The following WDR90 variants were observed in gnomAD, a reference collection of about 807,000 sequenced individuals.
WDR90 encodes WD repeat domain 90.
In WDR90, 238 loss-of-function variants were observed where a neutral mutation model predicts 195.2. The observed-to-expected ratio is 1.22, with a 90% CI of 1.10 to 1.36. The LOEUF is 1.36. Among genes scored for constraint, WDR90 ranks in the 40% most tolerant of loss-of-function variants. WDR90 has a pLI of 0.00. For synonymous variants in WDR90, 1,265 were observed against 1,052.4 expected (o/e 1.20, Z -3.91); for missense variants, 2,734 against 2,439.5 (o/e 1.12, Z -2.54).
rs758918142 is a variant in WDR90 at position 649,904 on chromosome 16, G to A, written c.102+50G>A. 9 of 1,587,944 alleles carry A rather than the reference G, an allele frequency of 5.7e-6. 1 individual carries two copies. The highest frequency in any genetic ancestry group is 4.6e-5 in the East Asian group (2 of 43,620). ...AGCCCACACCCCTGCCCTGCCCCCA[G>A]GAGAGCTGCCCCGCCCCCGAGGGCC... On this transcript the variant is annotated intron_variant, in intron 2 of 40. Coordinates refer to ENST00000293879, the MANE Select transcript of WDR90 (RefSeq NM_145294.5).
chr16:653,309 C>A (rs937860212), intron 10 of WDR90, 32 bp from the exon 11 acceptor site: 3 of 1,468,750 alleles, frequency 2.0e-6, no homozygotes, highest in African/African-American at 2.9e-5. Flanking sequence ...TGGCGTAGCA[C>A]CGGTCCTCAG....
At chr16:649,926 G>GGCCCCCTCGCCC in intron 2 of WDR90, 65 bp from the exon 3 acceptor site, 17 of 1,603,314 alleles carry the variant, frequency 1.1e-5, no homozygotes, top group Non-Finnish European at 1.4e-5. Flanking sequence ...CGCCCCCGAG[G>GGCCCCCTCGCCC]GCCCCCTCGC....
chr16:664,036 G>A (rs920277951), intron 34 of WDR90, among the ~76,000 whole-genome samples: 1 of 152,198 alleles, frequency 6.6e-6, no homozygotes. Context: ...TGGAGATGAC[G>A]ATAGCCAGCA....
chr16:657,594 C>T (rs1459245056), intron 20 of WDR90, among the ~76,000 whole-genome samples, 168 bp from the exon 21 acceptor site: 6 of 152,194 alleles, frequency 3.9e-5, no homozygotes, highest in South Asian at 2.1e-4. Context: ...CCCCTGGCAG[C>T]GCCTGGCGCC....
Position 665,968 on chromosome 16 carries a change from T to G in WDR90, c.4453T>G (p.Trp1485Gly). 1 of 1,592,914 alleles carries G rather than the reference T, an allele frequency of 6.3e-7. No individual in the cohort carries two copies. Among genetic ancestry groups the G allele is most frequent in the Non-Finnish European group, 8.5e-7 (1 of 1,171,972 alleles). The change falls in exon 36 of 41, where the codon TGG becomes GGG. Residue 1485 changes from tryptophan (W) to glycine (G), a missense_variant. Trp to Gly is a radical substitution (Grantham distance 184). Transcript: ENST00000293879. ...TCCCCAGAGCTGCCTCTGCCTGGCA[T>G]GGAGCCCCCCGTGCTGTGGCCGCCC... is the stretch of plus-strand genomic sequence containing the variant. Reference protein sequence around the residue: ...VLNQSCLCLAWSPPCCGRPEQ... With the variant: ...VLNQSCLCLAGSPPCCGRPEQ...
intron 32 of WDR90, 60 bp from the exon 33 acceptor site, chr16:662,147 CGTCCGGGCAGCCT>C (rs2037930417): frequency 6.5e-7 from 1 of 1,532,796 alleles, no homozygotes; most frequent in South Asian, 1.2e-5. Context: ...GTAGCCCTGG[CGTCCGGGCAGCCT>C]TGTGACCCAG....
In WDR90 at chr16:651,904, G is replaced by A. The variant is rs753022757; in HGVS notation, c.918G>A (p.Ala306=). Residue 306 remains alanine, a synonymous_variant, in exon 9 of 41, where the codon GCG becomes GCA. Coordinates refer to ENST00000293879, the MANE Select transcript of WDR90 (RefSeq NM_145294.5). ...AAGAGCGCTCAGACGCCTCCAACGC[G>A]GATGGCCCCGGTTTCCATAGCCTTG... The part of the protein sequence containing the change: ...LSQERSDASN[A]DGPGFHSLEP... 45 of 1,610,910 alleles carry A rather than the reference G, an allele frequency of 2.8e-5. No individual in the cohort carries two copies. The highest frequency in any genetic ancestry group is 6.7e-5 in the Admixed American group (4 of 59,890).
chr16:658,909 A>G lies in WDR90; in HGVS notation c.2909A>G (p.His970Arg). Residue 970 changes from histidine to arginine, a missense_variant, in exon 24 of 41, where the codon CAC (histidine) becomes CGC (arginine). His to Arg is a conservative substitution (Grantham distance 29, BLOSUM62 0). Coordinates refer to ENST00000293879, the MANE Select transcript of WDR90 (RefSeq NM_145294.5). ...CGCTACCCCTAGGTGTACATCGGCC[A>G]CTCGGAACCCGTGCAGGCTGTGGCC... ...ASPGPQVYIG[H>R]SEPVQAVAFS... 6.2e-7 allele frequency: 1 copy of G among 1,612,096 alleles called. No individual in the cohort carries two copies. The highest frequency in any genetic ancestry group is 1.1e-5 in the South Asian group (1 of 91,076).
Position 660,661 on chromosome 16 carries a change from T to C in WDR90, c.3338T>C (p.Val1113Ala), listed in dbSNP as rs2037876417. Residue 1113 changes from valine to alanine, a missense_variant, in exon 28 of 41, where the codon GTC becomes GCC. Val to Ala is a moderately conservative substitution (Grantham distance 64, BLOSUM62 0). Coordinates refer to ENST00000293879, the MANE Select transcript of WDR90 (RefSeq NM_145294.5). ...ASGGWLRLKAVVGYSGNGRAN... is the reference protein window; with the variant it reads ...ASGGWLRLKAAVGYSGNGRAN... The stretch of plus-strand genomic sequence containing the variant: ...GGTGGGTGGCTGCGTCTGAAGGCTG[T>C]CGTCGGTTACAGCGGGAATGGGCGG... 1.3e-6 allele frequency: 2 copies of C among 1,582,674 alleles called. No individual in the cohort carries two copies. Among genetic ancestry groups the C allele is most frequent in the African/African-American group, 2.7e-5 (2 of 74,084 alleles).
upstream of WDR90, chr16:649,357 C>G (rs1412171079): frequency 1.1e-5 from 14 of 1,321,582 alleles, no homozygotes; most frequent in Non-Finnish European, 1.4e-5. Context: ...CCTGGCGTCG[C>G]GGGGCGTACT....
chr16:650,500 C>A, intron 4 of WDR90, 39 bp from the exon 5 acceptor site: 1 of 1,588,322 alleles, frequency 6.3e-7, no homozygotes, highest in South Asian at 1.1e-5. Flanking sequence ...CGCGGGCTGT[C>A]AGGAGGGTGG....
At chr16:652,349 C>T (rs2037663848) in intron 9 of WDR90, 118 bp from the exon 10 acceptor site, 1 of 1,225,984 alleles carries the variant, frequency 8.2e-7, no homozygotes, top group Non-Finnish European at 1.1e-6. Context: ...CACCCAGGAC[C>T]AGGGCAGTCT....
At position 661,074 on chromosome 16, in the gene WDR90, C is replaced by T. The variant is rs748323112; in HGVS notation, c.3415C>T (p.Arg1139Cys). ...AGGCTTCTTTGCCTACACGTGCGGC[C>T]GCCTGGTGGTGGTGGAGGACCTGCA... ...DTGFFAYTCG[R>C]LVVVEDLHSG... is the part of the protein sequence containing the mutation. The change falls in exon 29 of 41, where the codon CGC becomes TGC. Residue 1139 changes from arginine to cysteine, a missense_variant. Physicochemically the swap from Arg to Cys is radical, Grantham distance 180 (BLOSUM62 -3). Coordinates refer to ENST00000293879, the MANE Select transcript of WDR90 (RefSeq NM_145294.5). The T allele has an allele frequency of 1.7e-5, 25 of 1,508,492 alleles. No homozygotes were observed. The highest frequency in any genetic ancestry group is 2.1e-5 in the Non-Finnish European group (24 of 1,142,610). 93.4% of individuals were successfully genotyped at this position (1,508,492 alleles called of 1,614,324 possible).
At chr16:661,235 C>T (rs1293115650) in intron 29 of WDR90, 63 bp downstream of exon 29, 102 of 1,517,642 alleles carry the variant, frequency 6.7e-5, no homozygotes, top group African/African-American at 1.1e-4. Context: ...ACCCAGCTCC[C>T]GGACCGGTGC....
Position 661,781 on chromosome 16 carries a change from C to T in WDR90, c.3858C>T (p.Ser1286=). 1 of 1,597,988 alleles carries T rather than the reference C, an allele frequency of 6.3e-7. No homozygotes were observed. Among genetic ancestry groups the T allele is most frequent in the East Asian group, 2.2e-5 (1 of 44,610 alleles). ...WLLQQRGADI[S]LQVRREPVPE... is the part of the protein sequence containing the mutation. ...TTCAGCAGCGTGGGGCAGACATCAG[C>T]CTTCAGGTGCCACCCGTTCAGCGTT... Residue 1286 remains serine, a synonymous_variant, in exon 31 of 41, where the codon AGC becomes AGT. Coordinates refer to ENST00000293879, the MANE Select transcript of WDR90 (RefSeq NM_145294.5).
At position 655,781 on chromosome 16, in the gene WDR90, A is replaced by G; in HGVS notation, c.1858A>G (p.Ile620Val). ...QKQTFSSGPG[I>V]AISSLSVSPA... ...CGCCTCCCTGCCCCCAGGCCCCGGC[A>G]TTGCCATCAGCAGCCTCAGCGTCTC... The change falls in exon 17 of 41, where the codon ATT becomes GTT. Residue 620 changes from isoleucine to valine, a missense_variant. By Grantham distance (29) the Ile-to-Val change is conservative (BLOSUM62 3). Coordinates refer to ENST00000293879, the MANE Select transcript of WDR90 (RefSeq NM_145294.5). The G allele has an allele frequency of 6.9e-6, 11 of 1,589,034 alleles. No individual in the cohort carries two copies. Among genetic ancestry groups the G allele is most frequent in the South Asian group, 1.1e-5 (1 of 88,180 alleles).
Position 653,436 on chromosome 16 carries a change from T to C in WDR90, c.1218T>C (p.Leu406=). The part of the protein sequence containing the change: ...LVDTGEQRFF[L]GHTDKVSALA... ...ACACGGGGGAGCAGCGCTTCTTCCT[T>C]GGCCACACAGACAAGGTGGGTGCTG... The change falls in exon 11 of 41, where the codon CTT becomes CTC. Residue 406 remains leucine (L), a synonymous_variant. Coordinates refer to ENST00000293879, the MANE Select transcript of WDR90 (RefSeq NM_145294.5). The C allele has an allele frequency of 6.2e-7, 1 of 1,612,238 alleles. No individual in the cohort carries two copies. Among genetic ancestry groups the C allele is most frequent in the Non-Finnish European group, 8.5e-7 (1 of 1,179,526 alleles).
rs1234339553 is a variant in WDR90 at position 657,140 on chromosome 16, C to T, written c.2392C>T (p.Leu798=). The T allele has an allele frequency of 1.3e-6, 2 of 1,576,110 alleles. No individual in the cohort carries two copies. The highest frequency in any genetic ancestry group is 2.4e-5 in the East Asian group (1 of 42,344). Reference sequence around the variant, plus strand: ...CCTGACCGCCACCCCTGACGGCCGCCTGCTCTTCAGCTCCTGCTCCCAGGG... The same window carrying T: ...CCTGACCGCCACCCCTGACGGCCGCTTGCTCTTCAGCTCCTGCTCCCAGGG... The part of the protein sequence containing the change: ...TGLTATPDGR[L]LFSSCSQGSL... The change falls in exon 20 of 41, where the codon CTG becomes TTG. Residue 798 remains leucine (L), a synonymous_variant. Transcript: ENST00000293879.
chr16:652,180 C>T (rs2037661155), intron 9 of WDR90, 141 bp downstream of exon 9: 11 of 1,056,468 alleles, frequency 1.0e-5, no homozygotes, highest in Middle Eastern at 3.0e-4. Flanking sequence ...GCAGAGCTGG[C>T]GGGAGGCGGC....
Sources: allele counts gnomAD v4.1 joint callset (sites outside exome capture counted in the v4.1 genomes callset), GRCh38; gene constraint gnomAD v4.1.1; transcripts MANE v1.5; gene names NCBI Gene and HGNC (gene_info 2026-07-23, HGNC 2026-07-21).